SLC25A21: variants seen among roughly 807,000 people sequenced by gnomAD.
SLC25A21 encodes mitochondrial 2-oxodicarboxylate carrier.
Under a neutral mutation model 43.8 loss-of-function variants are expected in SLC25A21, and 47 were observed. The ratio of observed to expected loss-of-function variants is 1.07; its 90% confidence interval spans 0.85 to 1.37. The LOEUF is 1.37. Among genes scored for constraint, SLC25A21 ranks in the 40% most tolerant of loss-of-function variants. The pLI, the probability that SLC25A21 is intolerant of heterozygous loss-of-function variation, is 0.00. For missense variants in SLC25A21, 352 were observed against 350.2 expected, an observed-to-expected ratio of 1.00 and a Z score of -0.04; for synonymous variants, 131 against 121.3, an observed-to-expected ratio of 1.08 and a Z score of -0.52.
At chr14:36,731,517 T>A (rs1884824863) in intron 4 of SLC25A21, among the ~76,000 whole-genome samples, 1 of 152,094 alleles carries the variant, frequency 6.6e-6, no homozygotes, top group Non-Finnish European at 1.5e-5. Flanking sequence ...TTTTGAAAAA[T>A]CTTAGTTTTT....
At chr14:37,116,608 A>T (rs1050004489) in intron 1 of SLC25A21, among the ~76,000 whole-genome samples, 1 of 152,216 alleles carries the variant, frequency 6.6e-6, no homozygotes, top group African/African-American at 2.4e-5. Context: ...GTTCAAAAAA[A>T]AATAATGTCA....
intron 1 of SLC25A21, among the ~76,000 whole-genome samples, chr14:36,999,457 A>T (rs2138722862): frequency 6.6e-6 from 1 of 152,188 alleles, no homozygotes; most frequent in Non-Finnish European, 1.5e-5. Flanking sequence ...AACATTATAC[A>T]TTTTTCCAGA....
chr14:36,695,537 C>T lies in SLC25A21; in HGVS notation c.604-10612G>A, dbSNP rs181955897. Among the ~76,000 whole-genome samples the T allele has an allele frequency of 1.2e-3, 178 of 152,306 alleles. 3 individuals are homozygous for T. Among genetic ancestry groups the T allele is most frequent in the Admixed American group, 2.6e-3 (40 of 15,298 alleles). ...TTTTCACGATATTGATTCTTCCTAT[C>T]CATGAGCATGGAATATGCTTCCATT... On this transcript the variant is annotated intron_variant, in intron 7 of 9. Transcript: ENST00000331299.
At position 37,085,018 on chromosome 14, in the gene SLC25A21, G is replaced by T. The variant is rs530113996; in HGVS notation, c.70+87263C>A. Among the ~76,000 whole-genome samples the T allele has an allele frequency of 4.2e-4, 63 of 151,622 alleles. 1 individual carries two copies. The Middle Eastern group carries it at 0.024, about 57-fold the overall frequency. On this transcript the variant is annotated intron_variant, in intron 1 of 9. Coordinates refer to ENST00000331299, the MANE Select transcript of SLC25A21 (RefSeq NM_030631.4). Reference sequence around the variant, plus strand: ...CAATAAATTCTTTTTTCATTGTCTGGTTTTTTTTAACTGGGCTTTATTATC... The same window carrying T: ...CAATAAATTCTTTTTTCATTGTCTGTTTTTTTTTAACTGGGCTTTATTATC...
Position 37,172,280 on chromosome 14 carries a change from C to T in SLC25A21, c.70+1G>A. On this transcript the variant is annotated splice_donor_variant, in intron 1 of 9. Coordinates refer to ENST00000331299, the MANE Select transcript of SLC25A21 (RefSeq NM_030631.4). LOFTEE classifies it high-confidence loss of function. ...GGCGGGGCAGGGCGGGCTGTCCTTACCTGCAGAACCACCGGCCACGATCTG... is the reference window on the plus strand; with the variant it reads ...GGCGGGGCAGGGCGGGCTGTCCTTATCTGCAGAACCACCGGCCACGATCTG... 1 of 1,594,556 alleles carries T rather than the reference C, an allele frequency of 6.3e-7. No individual in the cohort carries two copies. Among genetic ancestry groups the T allele is most frequent in the Non-Finnish European group, 8.5e-7 (1 of 1,170,968 alleles).
chr14:36,944,427 G>A (rs1892636439), intron 1 of SLC25A21, among the ~76,000 whole-genome samples: 1 of 152,120 alleles, frequency 6.6e-6, no homozygotes, highest in Admixed American at 6.5e-5. Flanking sequence ...CTTTCTGAAG[G>A]AGGCAGCTGG....
chr14:36,878,736 T>C (rs2138562893), intron 1 of SLC25A21, among the ~76,000 whole-genome samples: 1 of 152,300 alleles, frequency 6.6e-6, no homozygotes, highest in South Asian at 2.1e-4. Flanking sequence ...AGAAGATGAC[T>C]CTGAAATATC....
chr14:36,679,001 A>G lies in SLC25A21; in HGVS notation c.*1657T>C. ...ATATTTCCTCTATCTCATAGATGGT[A>G]AAAGTGTTGCTTTTAAACTGGCAAA... On this transcript the variant is annotated 3_prime_UTR_variant, in exon 10 of 10. Transcript: ENST00000331299. 1 of 944,770 alleles carries G rather than the reference A, an allele frequency of 1.1e-6. No homozygotes were observed. Among genetic ancestry groups the G allele is most frequent in the Non-Finnish European group, 1.2e-6 (1 of 815,340 alleles). 58.5% of individuals were successfully genotyped at this position (944,770 alleles called of 1,614,324 possible).
chr14:36,862,158 G>A (rs536675140), intron 2 of SLC25A21, among the ~76,000 whole-genome samples: 2 of 152,310 alleles, frequency 1.3e-5, no homozygotes, highest in South Asian at 4.1e-4. Context: ...TTACATGGTT[G>A]GTGGGGTGTA....
chr14:37,138,128 C>T (rs543827608), intron 1 of SLC25A21, among the ~76,000 whole-genome samples: 2 of 152,168 alleles, frequency 1.3e-5, no homozygotes, highest in Admixed American at 1.3e-4. Flanking sequence ...GACAAGAGAG[C>T]CAGATGTAAT....
intron 1 of SLC25A21, among the ~76,000 whole-genome samples, chr14:37,131,086 C>T (rs759010386): frequency 4.6e-5 from 7 of 152,278 alleles, no homozygotes; most frequent in East Asian, 1.9e-4. Context: ...TGACTAAACA[C>T]GTTTGCACAC....
At chr14:36,867,123 A>C (rs1890235195) in intron 2 of SLC25A21, among the ~76,000 whole-genome samples, 1 of 151,930 alleles carries the variant, frequency 6.6e-6, no homozygotes, top group South Asian at 2.1e-4. Flanking sequence ...CACTTAGTCC[A>C]CCCACCTCTG....
chr14:36,953,286 A>G (rs2138664476), intron 1 of SLC25A21, among the ~76,000 whole-genome samples: 1 of 152,362 alleles, frequency 6.6e-6, no homozygotes, highest in East Asian at 1.9e-4. Flanking sequence ...TAAATAACAA[A>G]GCTCATACTA....
At chr14:36,922,653 C>G (rs1378235482) in intron 1 of SLC25A21, among the ~76,000 whole-genome samples, 1 of 151,932 alleles carries the variant, frequency 6.6e-6, no homozygotes, top group Non-Finnish European at 1.5e-5. Context: ...TCACTCAATG[C>G]TGGGAGATGT....
At chr14:36,808,905 C>G (rs1280709578) in intron 3 of SLC25A21, 1 of 152,184 alleles carries the variant, frequency 6.6e-6, no homozygotes, top group Non-Finnish European at 1.5e-5. Context: ...TCAGAGGAGG[C>G]AGAGTGGTAG....
At chr14:37,160,690 G>A (rs1963924485) in intron 1 of SLC25A21, among the ~76,000 whole-genome samples, 1 of 152,012 alleles carries the variant, frequency 6.6e-6, no homozygotes, top group Admixed American at 6.6e-5. Flanking sequence ...AGCACTTTGG[G>A]AGGCTGAAGT....
intron 6 of SLC25A21, among the ~76,000 whole-genome samples, chr14:36,721,229 G>T (rs1301316382): frequency 6.6e-6 from 1 of 152,104 alleles, no homozygotes; most frequent in African/African-American, 2.4e-5. Flanking sequence ...AACATTTACT[G>T]AACCATCACT....
intron 5 of SLC25A21, among the ~76,000 whole-genome samples, chr14:36,727,312 A>C (rs1254871578): frequency 6.6e-6 from 1 of 152,248 alleles, no homozygotes; most frequent in East Asian, 1.9e-4. Flanking sequence ...CCTGCTTATA[A>C]AGTTATTTTA....
chr14:36,827,359 G>C (rs967352498), intron 2 of SLC25A21, among the ~76,000 whole-genome samples: 1 of 152,138 alleles, frequency 6.6e-6, no homozygotes, highest in Non-Finnish European at 1.5e-5. Context: ...CCACCACAAA[G>C]TGTTCTGCTT....
Sources: gnomAD v4.1 joint callset for allele counts (sites outside exome capture counted in the v4.1 genomes callset) on GRCh38, gnomAD v4.1.1 for gene constraint, MANE v1.5 for transcripts, NCBI Gene and HGNC (gene_info 2026-07-23, HGNC 2026-07-21) for gene names.